CSMD1: variants seen among roughly 807,000 people sequenced by gnomAD.
CSMD1 encodes CUB and sushi domain-containing protein 1.
A neutral mutation model predicts 417.5 loss-of-function variants in CSMD1; 213 were observed. That is an observed-to-expected ratio of 0.51 (90% CI 0.46 to 0.57). The LOEUF (loss-of-function observed/expected upper bound fraction) is 0.57, where lower values mean the gene tolerates loss of function less well. Among genes scored for constraint, CSMD1 ranks in the 20% least tolerant of loss-of-function variants. The pLI is 0.00. For missense variants in CSMD1, 6,923 were observed against 4,529.7 expected, an observed-to-expected ratio of 1.53 and a Z score of -15.17; for synonymous variants, 2,862 against 1,736.8, an observed-to-expected ratio of 1.65 and a Z score of -16.11.
intron 52 of CSMD1, among the ~76,000 whole-genome samples, chr8:3,009,789 T>C (rs1284263207): frequency 6.6e-6 from 1 of 152,220 alleles, no homozygotes; most frequent in Non-Finnish European, 1.5e-5. Flanking sequence ...TACAACACTC[T>C]GTGCTGTTTG....
chr8:3,766,766 A>T (rs1798293823), intron 5 of CSMD1, among the ~76,000 whole-genome samples: 1 of 152,138 alleles, frequency 6.6e-6, no homozygotes, highest in African/African-American at 2.4e-5. Flanking sequence ...GAATATCATT[A>T]AAAAACACAT....
intron 5 of CSMD1, among the ~76,000 whole-genome samples, chr8:3,797,987 G>A (rs143313808): frequency 3.3e-5 from 5 of 151,922 alleles, no homozygotes; most frequent in South Asian, 2.1e-4. Flanking sequence ...GTTTCAACGT[G>A]CATTTCCTTG....
At chr8:3,875,380 T>G (rs1805747628) in intron 5 of CSMD1, among the ~76,000 whole-genome samples, 1 of 152,202 alleles carries the variant, frequency 6.6e-6, no homozygotes, top group South Asian at 2.1e-4. Flanking sequence ...TTTTGGCGAC[T>G]TCTGCGTAGA....
chr8:3,060,490 A>G (rs1812523449), intron 49 of CSMD1, among the ~76,000 whole-genome samples: 1 of 152,166 alleles, frequency 6.6e-6, no homozygotes, highest in Non-Finnish European at 1.5e-5. Flanking sequence ...TCTATTAACA[A>G]CTTTTAAATA....
intron 5 of CSMD1, among the ~76,000 whole-genome samples, chr8:3,845,850 T>C (rs1803468780): frequency 6.6e-6 from 1 of 152,016 alleles, no homozygotes; most frequent in African/African-American, 2.4e-5. Flanking sequence ...TTACTTTCTA[T>C]ACTTCTTTTG....
chr8:3,372,097 G>C (rs1363056174), intron 18 of CSMD1, among the ~76,000 whole-genome samples: 1 of 152,176 alleles, frequency 6.6e-6, no homozygotes, highest in African/African-American at 2.4e-5. Context: ...GATGACACAT[G>C]ACTGTGAAGA....
At chr8:4,694,271 C>T (rs1037800486) in intron 1 of CSMD1, among the ~76,000 whole-genome samples, 3 of 151,896 alleles carry the variant, frequency 2.0e-5, no homozygotes, top group Non-Finnish European at 4.4e-5. Context: ...TCCTATCTAC[C>T]TATGACATGG....
intron 1 of CSMD1, among the ~76,000 whole-genome samples, chr8:4,935,216 C>T (rs1241873930): frequency 6.6e-6 from 1 of 152,166 alleles, no homozygotes; most frequent in Non-Finnish European, 1.5e-5. Flanking sequence ...CATATGTGGT[C>T]CCTGGATCCA....
Position 3,165,232 on chromosome 8 carries a change from AT to A in CSMD1, c.5726-2956del, listed in dbSNP as rs552581973. ...ATTAATACCTGGTATGTGTAAGAAT[AT>A]TTTTTATCAATATTATTTAAACCTG... On this transcript the variant is annotated intron_variant, in intron 37 of 69. Coordinates refer to ENST00000635120, the MANE Select transcript of CSMD1 (RefSeq NM_033225.6). Among the ~76,000 whole-genome samples the A allele has an allele frequency of 5.3e-4, 81 of 152,036 alleles. 1 individual carries two copies. The highest frequency in any genetic ancestry group is 1.8e-3 in the African/African-American group (76 of 41,512).
intron 7 of CSMD1, among the ~76,000 whole-genome samples, chr8:3,644,558 G>A (rs1797479082): frequency 6.6e-6 from 1 of 152,144 alleles, no homozygotes; most frequent in Admixed American, 6.5e-5. Flanking sequence ...AAATGGAAAG[G>A]TAGGAGATTG....
chr8:4,683,280 A>T (rs974094494), intron 1 of CSMD1, among the ~76,000 whole-genome samples: 1 of 152,132 alleles, frequency 6.6e-6, no homozygotes, highest in African/African-American at 2.4e-5. Flanking sequence ...TAATTAAGAT[A>T]AAAAGAAAAG....
chr8:3,254,528 T>C (rs536086088), intron 26 of CSMD1, among the ~76,000 whole-genome samples: 2 of 152,314 alleles, frequency 1.3e-5, no homozygotes, highest in Non-Finnish European at 2.9e-5. Context: ...GACGTAGATT[T>C]GGTCTTTTCA....
chr8:3,303,906 C>T (rs1330884009), intron 25 of CSMD1, among the ~76,000 whole-genome samples: 1 of 151,932 alleles, frequency 6.6e-6, no homozygotes, highest in Non-Finnish European at 1.5e-5. Flanking sequence ...TCTTCCAGAC[C>T]CAAGTGCCCC....
chr8:4,462,803 C>G (rs545087194), intron 2 of CSMD1, among the ~76,000 whole-genome samples: 1 of 150,142 alleles, frequency 6.7e-6, no homozygotes. Flanking sequence ...CTTCCTTACA[C>G]TATCCACAAA....
At chr8:4,992,448 G>A (rs958973034) in intron 1 of CSMD1, among the ~76,000 whole-genome samples, 2 of 152,214 alleles carry the variant, frequency 1.3e-5, no homozygotes, top group Non-Finnish European at 2.9e-5. Context: ...TGGAAAGGAG[G>A]AAGCCCCGGG....
intron 5 of CSMD1, among the ~76,000 whole-genome samples, chr8:3,972,768 T>G (rs1023815547): frequency 6.6e-6 from 1 of 152,232 alleles, no homozygotes; most frequent in African/African-American, 2.4e-5. Flanking sequence ...ATGTATATAT[T>G]CAATGATCTA....
intron 7 of CSMD1, among the ~76,000 whole-genome samples, chr8:3,641,097 T>A (rs1180714798): frequency 6.8e-6 from 1 of 147,810 alleles, no homozygotes; most frequent in Non-Finnish European, 1.5e-5. Flanking sequence ...TGAGAAAGCC[T>A]TAAGAAAGTT....
chr8:3,663,330 G>T (rs1271414628), intron 7 of CSMD1, among the ~76,000 whole-genome samples: 1 of 152,162 alleles, frequency 6.6e-6, no homozygotes, highest in Non-Finnish European at 1.5e-5. Flanking sequence ...GGTAGGCATG[G>T]TGCGTTCTGT....
intron 2 of CSMD1, among the ~76,000 whole-genome samples, chr8:4,496,813 G>A (rs991117019): frequency 6.6e-6 from 1 of 152,166 alleles, no homozygotes; most frequent in African/African-American, 2.4e-5. Context: ...ATGGACTTTT[G>A]ATGGGTAATC....
Sources: gnomAD v4.1 joint callset for allele counts (sites outside exome capture counted in the v4.1 genomes callset) on GRCh38, gnomAD v4.1.1 for gene constraint, MANE v1.5 for transcripts, NCBI Gene and HGNC (gene_info 2026-07-23, HGNC 2026-07-21) for gene names.